Variants in COL5A2 observed in about 807,000 individuals in gnomAD.
The protein encoded by COL5A2 is collagen alpha-2(V) chain.
In COL5A2, 23 loss-of-function variants were observed where a neutral mutation model predicts 208.2. The observed-to-expected ratio is 0.11, with a 90% CI of 0.08 to 0.16. The LOEUF is 0.16. COL5A2 is among the 10% of genes least tolerant of loss of function. The probability of loss-of-function intolerance (pLI) is 1.00; values close to 1 mark genes in which losing one functional copy is unlikely to be tolerated. For synonymous variants in COL5A2, 625 were observed against 628.5 expected (o/e 0.99, Z 0.08); for missense variants, 1,590 against 1,956.4 (o/e 0.81, Z 3.53).
At chr2:189,083,921 T>C (rs985898145) in intron 12 of COL5A2, 63 bp downstream of exon 12, 15 of 1,211,060 alleles carry the variant, frequency 1.2e-5, no homozygotes, top group Non-Finnish European at 1.8e-5. Context: ...ATACAGAGAA[T>C]TGTGATTTAA....
the COL5A2 span, among the ~76,000 whole-genome samples, chr2:189,302,490 T>C: frequency 6.6e-6 from 1 of 152,260 alleles, no homozygotes; most frequent in East Asian, 1.9e-4. Flanking sequence ...TCTCTCTTCC[T>C]ATTTTCTTAT....
chr2:189,050,529 G>C (rs1685762351), intron 43 of COL5A2, 40 bp downstream of exon 43: 1 of 1,407,688 alleles, frequency 7.1e-7, no homozygotes, highest in African/African-American at 1.4e-5. Flanking sequence ...AATTTGTATT[G>C]CACATATGAG....
chr2:189,379,596 T>A, the COL5A2 span, among the ~76,000 whole-genome samples: 1 of 152,186 alleles, frequency 6.6e-6, no homozygotes, highest in Non-Finnish European at 1.5e-5. Context: ...GTGGAGTGTT[T>A]TGTATGTCCT....
chr2:189,430,037 T>C, the COL5A2 span, among the ~76,000 whole-genome samples: 1 of 152,192 alleles, frequency 6.6e-6, no homozygotes, highest in East Asian at 1.9e-4. Context: ...TTTACTGGCA[T>C]TGACAGATTT....
chr2:189,281,221 C>G, the COL5A2 span, among the ~76,000 whole-genome samples: 1 of 152,050 alleles, frequency 6.6e-6, no homozygotes, highest in Non-Finnish European at 1.5e-5. Context: ...AAGTGCAATG[C>G]TCCCTGCAAT....
At chr2:189,231,948 G>C in the COL5A2 span, among the ~76,000 whole-genome samples, 55 of 151,718 alleles carry the variant, frequency 3.6e-4, no homozygotes, top group African/African-American at 1.3e-3. Context: ...GACACAGCAA[G>C]AGAGTAAACA....
At chr2:189,176,596 G>C (rs948303612) in intron 1 of COL5A2, among the ~76,000 whole-genome samples, 2 of 151,998 alleles carry the variant, frequency 1.3e-5, no homozygotes, top group Non-Finnish European at 2.9e-5. Context: ...CTAGATGCTA[G>C]GCATTAACTT....
At chr2:189,208,466 A>G (rs1287792667) in intron 1 of COL5A2, among the ~76,000 whole-genome samples, 2 of 152,228 alleles carry the variant, frequency 1.3e-5, no homozygotes, top group African/African-American at 4.8e-5. Context: ...AAAGGATGGC[A>G]GAAGAGGCAA....
At chr2:189,102,416 T>C (rs977617485) in intron 3 of COL5A2, among the ~76,000 whole-genome samples, 5 of 152,134 alleles carry the variant, frequency 3.3e-5, no homozygotes, top group Non-Finnish European at 5.9e-5. Flanking sequence ...AATGATTCTA[T>C]AGATTTCTTA....
At chr2:189,232,304 TTAATTGTGAAAATAACG>T in the COL5A2 span, among the ~76,000 whole-genome samples, 7 of 151,844 alleles carry the variant, frequency 4.6e-5, 1 homozygote, top group African/African-American at 1.7e-4. Context: ...TTTTTTTTCT[TTAATTGTGAAAATAACG>T]TAATAGGCCA....
At chr2:189,146,079 C>T (rs1483767498) in intron 1 of COL5A2, among the ~76,000 whole-genome samples, 4 of 152,182 alleles carry the variant, frequency 2.6e-5, no homozygotes, top group South Asian at 2.1e-4. Flanking sequence ...TATCTTCATA[C>T]ATTGATCGGA....
At chr2:189,434,492 C>G in the COL5A2 span, among the ~76,000 whole-genome samples, 8 of 152,174 alleles carry the variant, frequency 5.3e-5, no homozygotes, top group African/African-American at 1.9e-4. Flanking sequence ...TCTCAGGATA[C>G]AAAATCAATG....
At chr2:189,431,720 A>C in the COL5A2 span, among the ~76,000 whole-genome samples, 3 of 152,224 alleles carry the variant, frequency 2.0e-5, no homozygotes, top group East Asian at 3.8e-4. Flanking sequence ...TCTACGTCTG[A>C]TTGGTGTACC....
In COL5A2 at chr2:189,051,248, A is replaced by C. The variant is rs1343017066; in HGVS notation, c.2931+72T>G. 3 of 1,594,338 alleles carry C rather than the reference A, an allele frequency of 1.9e-6. No individual in the cohort carries two copies. The African/African-American group carries it at 4.0e-5, about 21-fold the overall frequency. ...CATAATATTTAAGCATTTTTGTGAC[A>C]CTGATCATTATGGGTTTCTATTTGT... On this transcript the variant is annotated intron_variant, in intron 42 of 53. Transcript: ENST00000374866.
At position 189,035,120 on chromosome 2, in the gene COL5A2, G is replaced by A. The variant is rs765636716; in HGVS notation, c.4149C>T (p.Ala1383=). ...AYGDHQSPNT[A]ITQMTFLRLL... ...GGCGCAAAAAAGTCATCTGAGTAAT[G>A]GCTGTATTAGGTGATTGGTGGTCTC... Residue 1383 remains alanine (A), a synonymous_variant, in exon 53 of 54, where the codon GCC becomes GCT. Transcript: ENST00000374866. 1 of 1,613,680 alleles carries A rather than the reference G, an allele frequency of 6.2e-7. No homozygotes were observed. Among genetic ancestry groups the A allele is most frequent in the Non-Finnish European group, 8.5e-7 (1 of 1,179,854 alleles).
At chr2:189,163,774 C>G (rs1301551318) in intron 1 of COL5A2, among the ~76,000 whole-genome samples, 3 of 152,184 alleles carry the variant, frequency 2.0e-5, no homozygotes, top group Non-Finnish European at 1.5e-5. Flanking sequence ...TAGTCACAGG[C>G]TTTCAAAGCA....
the COL5A2 span, among the ~76,000 whole-genome samples, chr2:189,260,116 T>A: frequency 1.3e-5 from 2 of 152,194 alleles, no homozygotes; most frequent in African/African-American, 4.8e-5. Context: ...AAAATAAAAG[T>A]AGTTTTTAAA....
At chr2:189,178,208 A>G (rs886358850) in intron 1 of COL5A2, among the ~76,000 whole-genome samples, 5 of 152,184 alleles carry the variant, frequency 3.3e-5, no homozygotes, top group Admixed American at 3.3e-4. Flanking sequence ...TCCAAGTCTT[A>G]GAAAGTGCCC....
the COL5A2 span, among the ~76,000 whole-genome samples, chr2:189,266,726 G>GA: frequency 2.6e-5 from 4 of 151,940 alleles, no homozygotes; most frequent in East Asian, 3.9e-4. Context: ...GTGAATATAT[G>GA]AAAAAATACT....
Sources: gnomAD v4.1 joint callset for allele counts (sites outside exome capture counted in the v4.1 genomes callset) on GRCh38, gnomAD v4.1.1 for gene constraint, MANE v1.5 for transcripts, NCBI Gene and HGNC (gene_info 2026-07-23, HGNC 2026-07-21) for gene names.